The following HPS6 variants were observed in gnomAD, a reference collection of about 807,000 sequenced individuals.
HPS6 encodes the protein HPS6 biogenesis of lysosomal organelles complex 2 subunit 3.
HPS6 carries 46 observed loss-of-function variants against 53.6 expected under a neutral mutation model. That is an observed-to-expected ratio of 0.86 (90% confidence interval 0.68 to 1.10). The LOEUF is 1.10. Ranked by LOEUF, HPS6 falls within the 50% of genes least tolerant of loss-of-function variation. HPS6 has a pLI of 0.00. For synonymous variants in HPS6, 535 were observed against 470.8 expected, an observed-to-expected ratio of 1.14 and a Z score of -1.77; for missense variants, 1,034 against 991.3, an observed-to-expected ratio of 1.04 and a Z score of -0.58.
Position 102,065,697 on chromosome 10 carries a change from C to A in HPS6, c.223C>A (p.Gln75Lys). ...GCTAGAGCGGGCCTGGCCGGCCGGCCAGCCCTCCCCGCTGGACGCCTTCTT... is the reference window on the plus strand; with the variant it reads ...GCTAGAGCGGGCCTGGCCGGCCGGCAAGCCCTCCCCGCTGGACGCCTTCTT... Reference protein sequence around the residue: ...AELERAWPAGQPSPLDAFFLP... With the variant: ...AELERAWPAGKPSPLDAFFLP... The change falls in exon 1 of 1, where the codon CAG becomes AAG. Residue 75 changes from glutamine (Q) to lysine (K), a missense_variant. Gln to Lys is a moderately conservative substitution (Grantham distance 53). Coordinates refer to ENST00000299238, the MANE Select transcript of HPS6 (RefSeq NM_024747.6). 6.6e-7 allele frequency: 1 copy of A among 1,512,886 alleles called. No homozygotes were observed. The highest frequency in any genetic ancestry group is 1.4e-5 in the African/African-American group (1 of 69,704). 93.7% of individuals were successfully genotyped at this position (1,512,886 alleles called of 1,614,324 possible).
At position 102,067,386 on chromosome 10, in the gene HPS6, C is replaced by G. The variant is rs1293751458; in HGVS notation, c.1912C>G (p.Gln638Glu). ...LSSGRPKAVL[Q>E]AVGQLVQKEQ... ...CAGTGGGCGGCCTAAAGCTGTGCTC[C>G]AAGCTGTCGGGCAGCTGGTGCAAAA... Residue 638 changes from glutamine (Q) to glutamate (E), a missense_variant, in exon 1 of 1, where the codon CAA (glutamine) becomes GAA (glutamate). Gln to Glu is a conservative substitution (Grantham distance 29). Transcript: ENST00000299238. 1 of 1,612,970 alleles carries G rather than the reference C, an allele frequency of 6.2e-7. No homozygotes were observed. Among genetic ancestry groups the G allele is most frequent in the Admixed American group, 1.7e-5 (1 of 60,026 alleles).
At position 102,066,251 on chromosome 10, in the gene HPS6, T is replaced by G. The variant is rs769773729; in HGVS notation, c.777T>G (p.Pro259=). The change falls in exon 1 of 1, where the codon CCT becomes CCG. Residue 259 remains proline, a synonymous_variant. Coordinates refer to ENST00000299238, the MANE Select transcript of HPS6 (RefSeq NM_024747.6). The part of the protein sequence containing the change: ...WDFRTLLRGL[P]GLLSPREPLA... ...TCCGGACCCTGCTCCGAGGCCTTCC[T>G]GGGTTGCTGTCCCCCAGGGAGCCAC... 6.2e-7 allele frequency: 1 copy of G among 1,613,998 alleles called. No homozygotes were observed. The highest frequency in any genetic ancestry group is 8.5e-7 in the Non-Finnish European group (1 of 1,180,014).
In HPS6 at chr10:102,067,862, C is replaced by G; in HGVS notation, c.*60C>G. On this transcript the variant is annotated 3_prime_UTR_variant, in exon 1 of 1. Coordinates refer to ENST00000299238, the MANE Select transcript of HPS6 (RefSeq NM_024747.6). ...AGGCTTGCTTGGGACTGGAGGCTTG[C>G]TTGGACAGTTCCTCTGTGTCACTGA... The G allele has an allele frequency of 6.4e-7, 1 of 1,557,630 alleles. No individual in the cohort carries two copies. The highest frequency in any genetic ancestry group is 8.9e-7 in the Non-Finnish European group (1 of 1,129,636).
In HPS6 at chr10:102,066,185, C is replaced by T. The variant is rs1283540019; in HGVS notation, c.711C>T (p.Tyr237=). 5 of 1,613,750 alleles carry T rather than the reference C, an allele frequency of 3.1e-6. No homozygotes were observed. Among genetic ancestry groups the T allele is most frequent in the Non-Finnish European group, 4.2e-6 (5 of 1,180,026 alleles). Residue 237 remains tyrosine, a synonymous_variant, in exon 1 of 1, where the codon TAC becomes TAT. Transcript: ENST00000299238. ...MVAAPRLGLS[Y]SKSLNPGRGD... ...CTGCCCCACGGCTTGGTCTCTCCTA[C>T]AGTAAGAGTCTGAATCCTGGACGAG...
chr10:102,066,759 A>G lies in HPS6; in HGVS notation c.1285A>G (p.Ser429Gly). 1 of 1,614,150 alleles carries G rather than the reference A, an allele frequency of 6.2e-7. No individual in the cohort carries two copies. Among genetic ancestry groups the G allele is most frequent in the Non-Finnish European group, 8.5e-7 (1 of 1,180,042 alleles). ...GCTCACTCCAGAAGAACTGAGACAC[A>G]GCAGCACATTCCGGGCACCTCAGGC... ...AQLTPEELRHSSTFRAPQALA... is the reference protein window; with the variant it reads ...AQLTPEELRHGSTFRAPQALA... The change falls in exon 1 of 1, where the codon AGC (serine) becomes GGC (glycine). Residue 429 changes from serine (S) to glycine (G), a missense_variant. Transcript: ENST00000299238.
In HPS6 at chr10:102,067,063, A is replaced by G. The variant is rs2067976929; in HGVS notation, c.1589A>G (p.Asp530Gly). Residue 530 changes from aspartate (D) to glycine (G), a missense_variant, in exon 1 of 1, where the codon GAT becomes GGT. Coordinates refer to ENST00000299238, the MANE Select transcript of HPS6 (RefSeq NM_024747.6). ...ATLRALQLQL[D>G]GNGKLRSQAP... Reference sequence around the variant, plus strand: ...CTCAGGGCCCTGCAGCTCCAGCTAGATGGGAATGGCAAGCTGAGGTCCCAA... The same window carrying G: ...CTCAGGGCCCTGCAGCTCCAGCTAGGTGGGAATGGCAAGCTGAGGTCCCAA... 8 of 1,614,066 alleles carry G rather than the reference A, an allele frequency of 5.0e-6. No homozygotes were observed. Among genetic ancestry groups the G allele is most frequent in the Non-Finnish European group, 5.1e-6 (6 of 1,180,038 alleles).
chr10:102,067,679 G>A lies in HPS6; in HGVS notation c.2205G>A (p.Leu735=). 4 of 1,613,920 alleles carry A rather than the reference G, an allele frequency of 2.5e-6. No homozygotes were observed. Among genetic ancestry groups the A allele is most frequent in the Non-Finnish European group, 3.4e-6 (4 of 1,180,036 alleles). Residue 735 remains leucine (L), a synonymous_variant, in exon 1 of 1, where the codon TTG becomes TTA. Transcript: ENST00000299238. The part of the protein sequence containing the change: ...PGAEPPLTVG[L]LKALLEQTGA... Reference sequence around the variant, plus strand: ...CAGAGCCCCCTCTCACTGTGGGCTTGCTCAAAGCCCTGCTGGAGCAGACTG... The same window carrying A: ...CAGAGCCCCCTCTCACTGTGGGCTTACTCAAAGCCCTGCTGGAGCAGACTG...
rs1391614418 is a variant in HPS6, at chr10:102,065,763, G to C, written c.289G>C (p.Glu97Gln). The change falls in exon 1 of 1, where the codon GAG (glutamate) becomes CAG (glutamine). Residue 97 changes from glutamate (E) to glutamine (Q), a missense_variant. Physicochemically the swap from Glu to Gln is conservative, Grantham distance 29 (BLOSUM62 2). Coordinates refer to ENST00000299238, the MANE Select transcript of HPS6 (RefSeq NM_024747.6). ...GCGGCCGGCGCTGGTGCTGGTGTGG[G>C]AGAGTGGCCTGGCCGAGGTGTGGGG... ...PARPALVLVW[E>Q]SGLAEVWGAG... 8.7e-6 allele frequency: 13 copies of C among 1,501,496 alleles called. No homozygotes were observed. The highest frequency in any genetic ancestry group is 1.5e-5 in the African/African-American group (1 of 68,844). 93.0% of individuals were successfully genotyped at this position (1,501,496 alleles called of 1,614,324 possible).
chr10:102,067,422 G>A lies in HPS6; in HGVS notation c.1948G>A (p.Asp650Asn), dbSNP rs2067980381. The change falls in exon 1 of 1, where the codon GAT (aspartate) becomes AAT (asparagine). Residue 650 changes from aspartate (D) to asparagine (N), a missense_variant. Physicochemically the swap from Asp to Asn is conservative, Grantham distance 23. Transcript: ENST00000299238. Reference sequence around the variant, plus strand: ...GCAGCTGGTGCAAAAGGAACAATGGGATCGGGCTCTGGATGCTGGCCTGGC... The same window carrying A: ...GCAGCTGGTGCAAAAGGAACAATGGAATCGGGCTCTGGATGCTGGCCTGGC... ...VGQLVQKEQWDRALDAGLALG... is the reference protein window; with the variant it reads ...VGQLVQKEQWNRALDAGLALG... The A allele has an allele frequency of 6.2e-7, 1 of 1,613,104 alleles. No individual in the cohort carries two copies. The highest frequency in any genetic ancestry group is 8.5e-7 in the Non-Finnish European group (1 of 1,180,016).
chr10:102,066,335 C>T lies in HPS6; in HGVS notation c.861C>T (p.Gly287=), dbSNP rs915390663. 6.2e-7 allele frequency: 1 copy of T among 1,613,960 alleles called. No individual in the cohort carries two copies. The highest frequency in any genetic ancestry group is 1.1e-5 in the South Asian group (1 of 91,084). Residue 287 remains glycine (G), a synonymous_variant, in exon 1 of 1, where the codon GGC becomes GGT. Coordinates refer to ENST00000299238, the MANE Select transcript of HPS6 (RefSeq NM_024747.6). ...GCCTGCTGTTGCTTGACTTCGGGGG[C>T]ACTGTGAGCCTATTGCAGTCCCACG... is the stretch of plus-strand genomic sequence containing the variant. ...PQGLLLLDFG[G]TVSLLQSHGG...
In HPS6 at chr10:102,065,689, C is replaced by G. The variant is rs559316388; in HGVS notation, c.215C>G (p.Pro72Arg). The G allele has an allele frequency of 2.6e-6, 4 of 1,518,764 alleles. No individual in the cohort carries two copies. The highest frequency in any genetic ancestry group is 3.5e-6 in the Non-Finnish European group (4 of 1,142,600). 94.1% of individuals were successfully genotyped at this position (1,518,764 alleles called of 1,614,324 possible). The change falls in exon 1 of 1, where the codon CCG becomes CGG. Residue 72 changes from proline to arginine, a missense_variant. Transcript: ENST00000299238. ...GPGAELERAW[P>R]AGQPSPLDAF... ...GGCGCGGAGCTAGAGCGGGCCTGGC[C>G]GGCCGGCCAGCCCTCCCCGCTGGAC...
At position 102,066,497 on chromosome 10, in the gene HPS6, G is replaced by A. The variant is rs2136334441; in HGVS notation, c.1023G>A (p.Gln341=). Residue 341 remains glutamine (Q), a synonymous_variant, in exon 1 of 1, where the codon CAG becomes CAA. Coordinates refer to ENST00000299238, the MANE Select transcript of HPS6 (RefSeq NM_024747.6). ...AACTGCTGGACATGGGCAGTGGGCAGCTGCTGGAGAGGAAGGTCCTAAGTA... is the reference window on the plus strand; with the variant it reads ...AACTGCTGGACATGGGCAGTGGGCAACTGCTGGAGAGGAAGGTCCTAAGTA... ...TLELLDMGSG[Q]LLERKVLSTD... is the part of the protein sequence containing the mutation. The A allele has an allele frequency of 6.2e-7, 1 of 1,614,226 alleles. No homozygotes were observed. The highest frequency in any genetic ancestry group is 1.6e-4 in the Middle Eastern group (1 of 6,062).
chr10:102,066,780 C>G lies in HPS6; in HGVS notation c.1306C>G (p.Gln436Glu). Residue 436 changes from glutamine to glutamate, a missense_variant, in exon 1 of 1, where the codon CAG (glutamine) becomes GAG (glutamate). Gln to Glu is a conservative substitution (Grantham distance 29). Transcript: ENST00000299238. ...LRHSSTFRAPQALASILQGHL... is the reference protein window; with the variant it reads ...LRHSSTFRAPEALASILQGHL... ...ACACAGCAGCACATTCCGGGCACCT[C>G]AGGCTCTGGCCTCCATCCTCCAGGG... 1 of 1,614,190 alleles carries G rather than the reference C, an allele frequency of 6.2e-7. No homozygotes were observed.
Position 102,066,603 on chromosome 10 carries a change from C to T in HPS6, c.1129C>T (p.Leu377=). 6.2e-7 allele frequency: 1 copy of T among 1,614,076 alleles called. No homozygotes were observed. The highest frequency in any genetic ancestry group is 8.5e-7 in the Non-Finnish European group (1 of 1,180,048). The change falls in exon 1 of 1, where the codon CTG becomes TTG. Residue 377 remains leucine (L), a synonymous_variant. Transcript: ENST00000299238. ...GCTGGAGACCCGAGGGAATCTTCGT[C>T]TGCTTTCAGCCTTGGGTCTGTTTTG... ...EELETRGNLR[L]LSALGLFCVG... is the part of the protein sequence containing the mutation.
Position 102,067,791 on chromosome 10 carries a change from C to T in HPS6, c.2317C>T (p.Arg773Trp). 3.1e-6 allele frequency: 5 copies of T among 1,613,074 alleles called. No individual in the cohort carries two copies. The highest frequency in any genetic ancestry group is 1.7e-5 in the Admixed American group (1 of 60,020). The change falls in exon 1 of 1, where the codon CGG (arginine) becomes TGG (tryptophan). Residue 773 changes from arginine (R) to tryptophan (W), a missense_variant. Arg to Trp is a moderately radical substitution (Grantham distance 101, BLOSUM62 -3). Coordinates refer to ENST00000299238, the MANE Select transcript of HPS6 (RefSeq NM_024747.6). The stretch of plus-strand genomic sequence containing the variant: ...CAGCACTCCACCCCCGACTCCACCT[C>T]GGGACCTATGACTACCCTTCAGGCA... Reference protein sequence around the residue: ...DPSTPPPTPPRDL With the variant: ...DPSTPPPTPPWDL
Position 102,066,078 on chromosome 10 carries a change from C to A in HPS6, c.604C>A (p.Leu202Met), listed in dbSNP as rs1423913506. 1 of 1,612,736 alleles carries A rather than the reference C, an allele frequency of 6.2e-7. No homozygotes were observed. The highest frequency in any genetic ancestry group is 1.1e-5 in the South Asian group (1 of 91,092). ...GCTGGCCTCCTGCAGACAACTCTTC[C>A]TGGTGCCCACTGCCACCACCTGGCC... ...GLLASCRQLFLVPTATTWPGV... is the reference protein window; with the variant it reads ...GLLASCRQLFMVPTATTWPGV... The change falls in exon 1 of 1, where the codon CTG (leucine) becomes ATG (methionine). Residue 202 changes from leucine to methionine, a missense_variant. Leu to Met is a conservative substitution (Grantham distance 15). Coordinates refer to ENST00000299238, the MANE Select transcript of HPS6 (RefSeq NM_024747.6).
rs757912066 is a variant in HPS6, at chr10:102,067,294, G to A, written c.1820G>A (p.Arg607Gln). Residue 607 changes from arginine to glutamine, a missense_variant, in exon 1 of 1, where the codon CGA (arginine) becomes CAA (glutamine). Transcript: ENST00000299238. ...GGCCCAGGACTGCCCCTGTATCGCC[G>A]AGCTCTGGCAGTGCTAGGTGAGGAG... ...AGGPGLPLYR[R>Q]ALAVLGEEGT... 3.7e-6 allele frequency: 6 copies of A among 1,612,868 alleles called. No individual in the cohort carries two copies. The South Asian group carries it at 4.4e-5, about 12-fold the overall frequency.
At position 102,067,832 on chromosome 10, in the gene HPS6, CCTGGAGGCTTGCTTGGGA is replaced by C. The variant is rs756496798; in HGVS notation, c.*47_*64del. On this transcript the variant is annotated 3_prime_UTR_variant, in exon 1 of 1. Transcript: ENST00000299238. ...CCTTCAGGCATCAGAACACTCAGGG[CCTGGAGGCTTGCTTGGGA>C]CTGGAGGCTTGCTTGGACAGTTCCT... 143 of 1,611,886 alleles carry C rather than the reference CCTGGAGGCTTGCTTGGGA, an allele frequency of 8.9e-5. No individual in the cohort carries two copies. Among genetic ancestry groups the C allele is most frequent in the South Asian group, 2.5e-4 (23 of 91,058 alleles).
In HPS6 at chr10:102,066,372, G is replaced by T. The variant is rs151079167; in HGVS notation, c.898G>T (p.Ala300Ser). The T allele has an allele frequency of 1.9e-6, 3 of 1,613,964 alleles. No homozygotes were observed. The East Asian group carries it at 6.7e-5, about 36-fold the overall frequency. ...SLLQSHGGTRAVGTLQEAPVG... is the reference protein window; with the variant it reads ...SLLQSHGGTRSVGTLQEAPVG... ...ATTGCAGTCCCACGGTGGTACGCGG[G>T]CTGTGGGCACCCTGCAGGAGGCACC... The change falls in exon 1 of 1, where the codon GCT becomes TCT. Residue 300 changes from alanine to serine, a missense_variant. Coordinates refer to ENST00000299238, the MANE Select transcript of HPS6 (RefSeq NM_024747.6).
Sources: gnomAD v4.1 joint callset for allele counts on GRCh38, gnomAD v4.1.1 for gene constraint, MANE v1.5 for transcripts, NCBI Gene and HGNC (gene_info 2026-07-23, HGNC 2026-07-21) for gene names.